Variants in ITGA1 observed in about 807,000 individuals in gnomAD.
ITGA1 encodes integrin alpha-1.
In ITGA1, 85 loss-of-function variants were observed where a neutral mutation model predicts 145.9. That is an observed-to-expected ratio of 0.58 (90% confidence interval 0.49 to 0.70). The LOEUF (loss-of-function observed/expected upper bound fraction) is 0.70. Among genes scored for constraint, ITGA1 ranks in the 30% least tolerant of loss-of-function variants. The pLI is 0.00. For missense variants in ITGA1, 1,351 were observed against 1,418.7 expected (o/e 0.95, Z 0.77); for synonymous variants, 520 against 495.3 (o/e 1.05, Z -0.66).
chr5:52,807,065 C>CT (rs1331097089), intron 1 of ITGA1, among the ~76,000 whole-genome samples: 1 of 152,058 alleles, frequency 6.6e-6, no homozygotes, highest in Non-Finnish European at 1.5e-5. Context: ...AAACCCCATT[C>CT]TTTAGAATGT....
At chr5:52,817,593 A>G (rs913735096) in intron 1 of ITGA1, among the ~76,000 whole-genome samples, 1 of 152,228 alleles carries the variant, frequency 6.6e-6, no homozygotes, top group South Asian at 2.1e-4. Context: ...TATCATTCCA[A>G]GGAAAGGCTA....
At chr5:52,793,042 A>G (rs553586098) in intron 1 of ITGA1, among the ~76,000 whole-genome samples, 1 of 152,060 alleles carries the variant, frequency 6.6e-6, no homozygotes, top group African/African-American at 2.4e-5. Flanking sequence ...AGTTACTCCC[A>G]CTGCTACTGA....
chr5:52,819,220 A>G (rs926591791), intron 1 of ITGA1, among the ~76,000 whole-genome samples: 2 of 152,228 alleles, frequency 1.3e-5, no homozygotes, highest in Non-Finnish European at 2.9e-5. Context: ...AGGAATCACC[A>G]CACTGACTTC....
chr5:52,906,680 A>C (rs181168737), intron 12 of ITGA1, among the ~76,000 whole-genome samples: 254 of 152,302 alleles, frequency 1.7e-3, no homozygotes, highest in Non-Finnish European at 2.8e-3. Context: ...ACAGTTCTAC[A>C]AGGAGGATTT....
At chr5:52,815,278 T>A (rs1048862305) in intron 1 of ITGA1, among the ~76,000 whole-genome samples, 1 of 152,164 alleles carries the variant, frequency 6.6e-6, no homozygotes, top group Non-Finnish European at 1.5e-5. Flanking sequence ...ATAGCCAGTG[T>A]TTCTCTCCTA....
At chr5:52,849,083 A>G (rs146477618) in intron 1 of ITGA1, among the ~76,000 whole-genome samples, 2,808 of 152,258 alleles carry the variant, frequency 0.018, 42 homozygotes, top group Non-Finnish European at 0.029. Context: ...AATCCTTTGC[A>G]TATATACCCA....
chr5:52,920,831 A>G (rs988796854), intron 17 of ITGA1, among the ~76,000 whole-genome samples: 10 of 152,072 alleles, frequency 6.6e-5, no homozygotes, highest in Non-Finnish European at 1.2e-4. Flanking sequence ...CTTGTCTGTC[A>G]GTTGTGGTTG....
At chr5:52,834,880 T>C (rs1464781937) in intron 1 of ITGA1, among the ~76,000 whole-genome samples, 2 of 152,106 alleles carry the variant, frequency 1.3e-5, no homozygotes, top group African/African-American at 4.8e-5. Flanking sequence ...GGCTTCAACA[T>C]ATGAATCTCA....
chr5:52,891,056 T>C (rs1750139229), intron 8 of ITGA1, among the ~76,000 whole-genome samples: 1 of 152,106 alleles, frequency 6.6e-6, no homozygotes, highest in Non-Finnish European at 1.5e-5. Context: ...AATGACAAAG[T>C]TTTGTTCTTT....
At chr5:52,912,934 G>A (rs551179104) in intron 14 of ITGA1, among the ~76,000 whole-genome samples, 20 of 151,994 alleles carry the variant, frequency 1.3e-4, no homozygotes, top group African/African-American at 4.6e-4. Flanking sequence ...TTTTAGTAGA[G>A]ACGGGGTTTC....
intron 24 of ITGA1, 125 bp downstream of exon 24, chr5:52,937,639 G>T: frequency 1.5e-6 from 1 of 666,236 alleles, no homozygotes; most frequent in Non-Finnish European, 2.7e-6. Flanking sequence ...GAGGTATTTA[G>T]ATAATTAAAA....
intron 1 of ITGA1, among the ~76,000 whole-genome samples, chr5:52,833,650 T>G (rs909363823): frequency 5.3e-5 from 8 of 152,148 alleles, no homozygotes; most frequent in African/African-American, 1.9e-4. Context: ...GGTATTGAGT[T>G]TTTTCTTTAT....
rs750330651 is a variant in ITGA1 at position 52,898,283 on chromosome 5, A to T, written c.1209A>T (p.Gly403=). 1 of 1,611,648 alleles carries T rather than the reference A, an allele frequency of 6.2e-7. No homozygotes were observed. The highest frequency in any genetic ancestry group is 8.5e-7 in the Non-Finnish European group (1 of 1,178,586). Residue 403 remains glycine, a synonymous_variant, in exon 11 of 29, where the codon GGA becomes GGT. Transcript: ENST00000282588. ...CAGTAGGAGCCTATGATTGGAATGG[A>T]ACAGTTGTCATGCAGAAGGCTAGTC... ...LGAVGAYDWN[G]TVVMQKASQI...
intron 7 of ITGA1, among the ~76,000 whole-genome samples, chr5:52,887,577 TTA>T (rs1454392766): frequency 2.0e-5 from 3 of 152,170 alleles, no homozygotes; most frequent in African/African-American, 4.8e-5. Flanking sequence ...TGCTGCCTTT[TTA>T]TATATAGGAT....
intron 1 of ITGA1, among the ~76,000 whole-genome samples, chr5:52,830,408 A>C (rs1482228816): frequency 6.6e-6 from 1 of 152,178 alleles, no homozygotes; most frequent in African/African-American, 2.4e-5. Flanking sequence ...TAGGACTGTA[A>C]GAATGTTTTA....
At chr5:52,927,714 A>G (rs751233394) in intron 20 of ITGA1, 50 bp downstream of exon 20, 35 of 1,144,544 alleles carry the variant, frequency 3.1e-5, no homozygotes, top group Admixed American at 8.9e-5. Context: ...GAAAAGTAAT[A>G]TGTGCAAAGA....
At chr5:52,862,249 A>C (rs993968246) in intron 3 of ITGA1, among the ~76,000 whole-genome samples, 1 of 151,900 alleles carries the variant, frequency 6.6e-6, no homozygotes, top group Non-Finnish European at 1.5e-5. Flanking sequence ...AAGAAAAAAA[A>C]CAGATTTTAA....
chr5:52,926,438 T>A (rs1357508694), intron 19 of ITGA1, among the ~76,000 whole-genome samples: 1 of 151,742 alleles, frequency 6.6e-6, no homozygotes, highest in Non-Finnish European at 1.5e-5. Flanking sequence ...CCCTCTCTAC[T>A]AAAAATACAA....
intron 23 of ITGA1, among the ~76,000 whole-genome samples, 154 bp from the exon 24 acceptor site, chr5:52,937,247 A>G (rs1020057426): frequency 3.3e-5 from 5 of 152,126 alleles, no homozygotes; most frequent in Non-Finnish European, 5.9e-5. Flanking sequence ...AATTATGCCA[A>G]TTCTCTGTAC....
Sources: allele counts gnomAD v4.1 joint callset (sites outside exome capture counted in the v4.1 genomes callset), GRCh38; gene constraint gnomAD v4.1.1; transcripts MANE v1.5; gene names NCBI Gene and HGNC (gene_info 2026-07-23, HGNC 2026-07-21).